RGS7: variants seen among roughly 807,000 people sequenced by gnomAD.
The protein encoded by RGS7 is regulator of G protein signaling 7, also known as regulator of G-protein signaling 7.
A neutral mutation model predicts 81.1 loss-of-function variants in RGS7; 27 were observed. That is an observed-to-expected ratio of 0.33 (90% CI 0.25 to 0.46). The LOEUF is 0.46. Among genes scored for constraint, RGS7 ranks in the 20% least tolerant of loss-of-function variants. The pLI is 1.00. For synonymous variants in RGS7, 208 were observed against 207.7 expected (o/e 1.00, Z -0.01); for missense variants, 396 against 607.4 (o/e 0.65, Z 3.66).
intron 4 of RGS7, among the ~76,000 whole-genome samples, chr1:240,959,132 C>G (rs1680927382): frequency 6.6e-6 from 1 of 152,202 alleles, no homozygotes; most frequent in Non-Finnish European, 1.5e-5. Flanking sequence ...TGCTTTGATA[C>G]TGGATATGAC....
At chr1:241,203,265 G>T (rs1313789975) in intron 2 of RGS7, among the ~76,000 whole-genome samples, 1 of 151,706 alleles carries the variant, frequency 6.6e-6, no homozygotes, top group African/African-American at 2.4e-5. Flanking sequence ...ATGGAGTCTC[G>T]CTCTGTCACC....
At chr1:241,121,786 T>G (rs1475035151) in intron 2 of RGS7, among the ~76,000 whole-genome samples, 1 of 130,918 alleles carries the variant, frequency 7.6e-6, no homozygotes, top group Non-Finnish European at 1.5e-5. Context: ...GGCAAGACCA[T>G]GGCTTACTGC....
At chr1:241,277,401 C>T (rs1047012134) in intron 2 of RGS7, among the ~76,000 whole-genome samples, 35 of 152,182 alleles carry the variant, frequency 2.3e-4, no homozygotes, top group East Asian at 7.7e-4. Context: ...GGGCGGATCA[C>T]GTGGTCAGGA....
At chr1:241,325,776 T>A (rs1386861434) in intron 2 of RGS7, among the ~76,000 whole-genome samples, 1 of 152,042 alleles carries the variant, frequency 6.6e-6, no homozygotes, top group African/African-American at 2.4e-5. Context: ...TCAGTTATCA[T>A]CAAATATTGA....
At chr1:241,089,847 T>C (rs2148925107) in intron 3 of RGS7, among the ~76,000 whole-genome samples, 1 of 151,610 alleles carries the variant, frequency 6.6e-6, no homozygotes. Flanking sequence ...CTACTAAAAA[T>C]ACAAAAAAAT....
At chr1:241,105,350 C>A (rs868430861) in intron 2 of RGS7, among the ~76,000 whole-genome samples, 5 of 152,154 alleles carry the variant, frequency 3.3e-5, no homozygotes, top group Admixed American at 6.5e-5. Flanking sequence ...AACTTCAACA[C>A]CCTGCTCTTT....
chr1:241,124,642 T>C (rs922016444), intron 2 of RGS7, among the ~76,000 whole-genome samples: 1 of 152,190 alleles, frequency 6.6e-6, no homozygotes, highest in Non-Finnish European at 1.5e-5. Flanking sequence ...TTTAGAACCA[T>C]TCTGGGCTTC....
intron 6 of RGS7, among the ~76,000 whole-genome samples, chr1:240,929,917 A>G (rs909625573): frequency 2.6e-5 from 4 of 152,100 alleles, no homozygotes; most frequent in African/African-American, 7.2e-5. Flanking sequence ...GTATAATCCT[A>G]TTTTCCCATC....
At chr1:240,900,380 G>C (rs1012769916) in intron 6 of RGS7, among the ~76,000 whole-genome samples, 2 of 152,162 alleles carry the variant, frequency 1.3e-5, no homozygotes, top group Admixed American at 6.5e-5. Flanking sequence ...CTGATTTTTA[G>C]AATTTTCAGC....
intron 3 of RGS7, chr1:240,998,417 C>A (rs1189711242): frequency 3.2e-6 from 2 of 631,176 alleles, no homozygotes; most frequent in South Asian, 1.8e-5. Context: ...TTAAGTTCAG[C>A]TTTTTATTGA....
intron 3 of RGS7, among the ~76,000 whole-genome samples, chr1:240,988,248 C>T (rs1005299268): frequency 3.3e-5 from 5 of 150,142 alleles, no homozygotes; most frequent in African/African-American, 1.2e-4. Context: ...TATGTTATGA[C>T]ACCACAGTGT....
At chr1:241,073,250 G>C (rs1050351021) in intron 3 of RGS7, among the ~76,000 whole-genome samples, 1 of 151,966 alleles carries the variant, frequency 6.6e-6, no homozygotes, top group South Asian at 2.1e-4. Context: ...ACCACCTTTC[G>C]AACATTTCTT....
chr1:240,793,611 A>ATATATTTTTTTT, intron 18 of RGS7, among the ~76,000 whole-genome samples: 1 of 78,812 alleles, frequency 1.3e-5, no homozygotes, highest in African/African-American at 9.7e-5. Flanking sequence ...ATATATATAT[A>ATATATTTTTTTT]TTTTTTTTTT....
chr1:240,872,523 C>T (rs776821238), intron 6 of RGS7, among the ~76,000 whole-genome samples: 11 of 152,168 alleles, frequency 7.2e-5, no homozygotes, highest in Non-Finnish European at 1.5e-4. Flanking sequence ...TAGCAGTGTA[C>T]AGAATAATCT....
At position 240,972,070 on chromosome 1, in the gene RGS7, C is replaced by T. The variant is rs1309742802; in HGVS notation, c.226+11009G>A. Among the ~76,000 whole-genome samples, 3 of 152,068 alleles carry T rather than the reference C, an allele frequency of 2.0e-5. No homozygotes were observed. The East Asian group carries it at 5.8e-4, about 29-fold the overall frequency. On this transcript the variant is annotated intron_variant, in intron 4 of 18. Transcript: ENST00000440928. ...AATTGCTCTAACAAAATGGAGTATCCAGAATGCAACAGGTAAATATAACAT... is the reference window on the plus strand; with the variant it reads ...AATTGCTCTAACAAAATGGAGTATCTAGAATGCAACAGGTAAATATAACAT...
rs79875875 is a variant in RGS7 at position 241,163,952 on chromosome 1, C to G, written c.79-65190G>C. 6.6e-6 allele frequency among the ~76,000 whole-genome samples: 1 copy of G among 152,120 alleles called. No homozygotes were observed. The highest frequency in any genetic ancestry group is 1.5e-5 in the Non-Finnish European group (1 of 68,028). ...ATCCCACAGGTTGAGGGCTCAGTCC[C>G]CAAGAATGCCCCTTGCTTCTGACGC... is the stretch of plus-strand genomic sequence containing the variant. On this transcript the variant is annotated intron_variant, in intron 2 of 18. Transcript: ENST00000440928. This position sits in a 1 kb window ranked among gnomAD's most constrained non-coding sequence, Gnocchi z 4.6.
intron 4 of RGS7, among the ~76,000 whole-genome samples, chr1:240,959,486 A>G (rs1680992534): frequency 1.3e-5 from 2 of 152,226 alleles, no homozygotes; most frequent in Admixed American, 1.3e-4. Flanking sequence ...ATATCTAAAC[A>G]TAGAAAATGC....
chr1:241,234,749 G>C (rs1407204743), intron 2 of RGS7, among the ~76,000 whole-genome samples: 1 of 151,918 alleles, frequency 6.6e-6, no homozygotes, highest in African/African-American at 2.4e-5. Flanking sequence ...AGTCGAAAGA[G>C]GTTTATACCA....
chr1:240,946,135 G>A (rs1480557962), intron 4 of RGS7, among the ~76,000 whole-genome samples: 1 of 152,058 alleles, frequency 6.6e-6, no homozygotes, highest in Non-Finnish European at 1.5e-5. Flanking sequence ...TATAACTACT[G>A]CCTAACAATA....
Sources: allele counts gnomAD v4.1 joint callset (sites outside exome capture counted in the v4.1 genomes callset), GRCh38; gene constraint gnomAD v4.1.1; non-coding constraint Gnocchi (gnomAD v3.1); transcripts MANE v1.5; gene names NCBI Gene and HGNC (gene_info 2026-07-23, HGNC 2026-07-21).